CCDC120: variants seen among roughly 807,000 people sequenced by gnomAD.
CCDC120 encodes coiled-coil domain containing 120.
A neutral mutation model predicts 37.6 loss-of-function variants in CCDC120; 16 were observed. The ratio of observed to expected loss-of-function variants is 0.43; its 90% CI spans 0.29 to 0.65. The LOEUF is 0.65. Among genes scored for constraint, CCDC120 ranks in the 30% least tolerant of loss-of-function variants. The pLI, the probability that CCDC120 is intolerant of heterozygous loss-of-function variation, is 0.18. For synonymous variants in CCDC120, 309 were observed against 275.4 expected, an observed-to-expected ratio of 1.12 and a Z score of -1.21; for missense variants, 650 against 657.4, an observed-to-expected ratio of 0.99 and a Z score of 0.12.
intron 9 of CCDC120, chrX:49,066,943 C>G: frequency 2.5e-6 from 1 of 403,885 alleles, no homozygotes. Flanking sequence ...TTGGAGCTAA[C>G]AGTGCCAGGC....
rs1557080491 is a variant in CCDC120 at position 49,064,509 on chromosome X, G to C, written c.569G>C (p.Arg190Thr). ...RRRQVQADAL[R>T]RLHELEEQLR... ...CGCCAGGTCCAGGCAGATGCACTGA[G>C]GAGGCTGCATGAGCTAGAGGAGCAG... Residue 190 changes from arginine (R) to threonine (T), a missense_variant, in exon 6 of 11, where the codon AGG (arginine) becomes ACG (threonine). Coordinates refer to ENST00000603986, the MANE Select transcript of CCDC120 (RefSeq NM_001163321.4). The C allele has an allele frequency of 1.7e-6, 2 of 1,184,904 alleles. No homozygotes were observed. The highest frequency in any genetic ancestry group is 4.7e-5 in the Admixed American group (2 of 42,114).
At position 49,067,646 on chromosome X, in the gene CCDC120, C is replaced by G. The variant is rs1291474069; in HGVS notation, c.1532C>G (p.Ser511Cys). 9 of 1,198,624 alleles carry G rather than the reference C, an allele frequency of 7.5e-6. No individual in the cohort carries two copies. The highest frequency in any genetic ancestry group is 1.0e-5 in the Non-Finnish European group (9 of 887,767). ...GCAGCTGAGGTCCCAGGACCCCTCT[C>G]CCGCCGGGATGGGCTCCTCACCATG... ...PPAAEVPGPL[S>C]RRDGLLTMLP... Residue 511 changes from serine (S) to cysteine (C), a missense_variant, in exon 10 of 11, where the codon TCC (serine) becomes TGC (cysteine). By Grantham distance (112) the Ser-to-Cys change is moderately radical (BLOSUM62 -1). This residue lies in a region of CCDC120 where 576 missense variants were observed against 565.3 expected (regional missense o/e 1.02). Transcript: ENST00000603986.
chrX:49,058,547 C>T (rs1399952054), upstream of CCDC120, among the ~76,000 whole-genome samples: 1 of 112,510 alleles, frequency 8.9e-6, no homozygotes, highest in Non-Finnish European at 1.9e-5. Flanking sequence ...CAAGTTGCCC[C>T]TTGGGTGGGC....
In CCDC120 at chrX:49,064,683, G is replaced by A. The variant is rs781919463; in HGVS notation, c.724+19G>A. ...AGCCAAGGTGAGCATCCCCTGGTGAGGGTGGGAGAGTGGACACTGGCAAAT... is the reference window on the plus strand; with the variant it reads ...AGCCAAGGTGAGCATCCCCTGGTGAAGGTGGGAGAGTGGACACTGGCAAAT... On this transcript the variant is annotated intron_variant, in intron 6 of 10. Transcript: ENST00000603986. The A allele has an allele frequency of 4.8e-5, 56 of 1,154,928 alleles. No individual in the cohort carries two copies. In the Admixed American group the frequency reaches 5.5e-4, roughly 11 times the overall value.
At chrX:49,064,754 A>C in intron 6 of CCDC120, 90 bp downstream of exon 6, 4 of 1,015,496 alleles carry the variant, frequency 3.9e-6, no homozygotes, top group Non-Finnish European at 5.3e-6. Context: ...GAAAACCGGG[A>C]GGTAGGCACA....
In CCDC120 at chrX:49,064,362, C is replaced by T. The variant is rs1557080344; in HGVS notation, c.430-8C>T. 1 of 1,156,896 alleles carries T rather than the reference C, an allele frequency of 8.6e-7. No homozygotes were observed. Reference sequence around the variant, plus strand: ...TGGCCATTTCCAACATTTGGGTGGGCCCAACAGGAGCTGGCTCTTGAGGCC... The same window carrying T: ...TGGCCATTTCCAACATTTGGGTGGGTCCAACAGGAGCTGGCTCTTGAGGCC... On this transcript the variant is annotated splice_region_variant and splice_polypyrimidine_tract_variant and intron_variant, in intron 5 of 10. Coordinates refer to ENST00000603986, the MANE Select transcript of CCDC120 (RefSeq NM_001163321.4).
chrX:49,064,464 C>T lies in CCDC120; in HGVS notation c.524C>T (p.Thr175Ile). The change falls in exon 6 of 11, where the codon ACC becomes ATC. Residue 175 changes from threonine to isoleucine, a missense_variant. Transcript: ENST00000603986. ...CTGGCCTTGGCCCCTGATCTGAGCA[C>T]CGAGCAGCGCCGGCGCCGGCGCCAG... ...RRLALAPDLSTEQRRRRRQVQ... is the reference protein window; with the variant it reads ...RRLALAPDLSIEQRRRRRQVQ... 1 of 1,179,829 alleles carries T rather than the reference C, an allele frequency of 8.5e-7. No individual in the cohort carries two copies. The highest frequency in any genetic ancestry group is 1.1e-6 in the Non-Finnish European group (1 of 880,386).
chrX:49,065,507 T>G lies in CCDC120; in HGVS notation c.841T>G (p.Trp281Gly). ...LAERPSPPKA[W>G]DQLRAVSGGS... ...CGAGCGCCCCTCACCACCCAAGGCTTGGGACCAGCTGCGGGCAGTATCTGG... is the reference window on the plus strand; with the variant it reads ...CGAGCGCCCCTCACCACCCAAGGCTGGGGACCAGCTGCGGGCAGTATCTGG... The change falls in exon 8 of 11, where the codon TGG (tryptophan) becomes GGG (glycine). Residue 281 changes from tryptophan to glycine, a missense_variant. By Grantham distance (184) the Trp-to-Gly change is radical. Transcript: ENST00000603986. 3 of 1,209,417 alleles carry G rather than the reference T, an allele frequency of 2.5e-6. No homozygotes were observed. The highest frequency in any genetic ancestry group is 3.4e-6 in the Non-Finnish European group (3 of 894,495).
At chrX:49,068,228 C>G in intron 10 of CCDC120, 138 bp downstream of exon 10, 1 of 1,098,517 alleles carries the variant, frequency 9.1e-7, no homozygotes, top group South Asian at 2.3e-5. Context: ...CACAGGGTCA[C>G]TCTACTGCAC....
Position 49,067,397 on chromosome X carries a change from G to T in CCDC120, c.1283G>T (p.Ser428Ile). The change falls in exon 10 of 11, where the codon AGC becomes ATC. Residue 428 changes from serine (S) to isoleucine (I), a missense_variant. By Grantham distance (142) the Ser-to-Ile change is moderately radical (BLOSUM62 -2). This residue lies in a region of CCDC120 where 576 missense variants were observed against 565.3 expected (regional missense o/e 1.02). Coordinates refer to ENST00000603986, the MANE Select transcript of CCDC120 (RefSeq NM_001163321.4). Reference protein sequence around the residue: ...PSASGPPVCKSSEVLYERPQP... With the variant: ...PSASGPPVCKISEVLYERPQP... ...GCCTCTGGCCCCCCAGTCTGCAAGAGCAGTGAGGTGCTGTATGAGCGCCCC... is the reference window on the plus strand; with the variant it reads ...GCCTCTGGCCCCCCAGTCTGCAAGATCAGTGAGGTGCTGTATGAGCGCCCC... 8.4e-7 allele frequency: 1 copy of T among 1,194,457 alleles called. No individual in the cohort carries two copies. The highest frequency in any genetic ancestry group is 2.2e-5 in the Admixed American group (1 of 44,990).
At chrX:49,054,342 CT>C (rs1569521844), upstream of CCDC120, among the ~76,000 whole-genome samples, 2 of 111,456 alleles carry the variant, frequency 1.8e-5, no homozygotes, top group Non-Finnish European at 3.8e-5. Flanking sequence ...TCCTGTCCCC[CT>C]AACCACAATC....
chrX:49,065,119 A>G, intron 7 of CCDC120, 21 bp downstream of exon 7: 1 of 1,199,293 alleles, frequency 8.3e-7, no homozygotes, highest in African/African-American at 1.7e-5. Flanking sequence ...CTATCCCCCA[A>G]ACCTGCCCCC....
intron 5 of CCDC120, 81 bp downstream of exon 5, chrX:49,064,082 G>T: frequency 9.3e-7 from 1 of 1,080,305 alleles, no homozygotes. Context: ...GGTGTGGGGA[G>T]GGGGCTTGTG....
In CCDC120 at chrX:49,062,330, G is replaced by A. The variant is rs1312555903; in HGVS notation, c.154+5G>A. 161 of 1,206,408 alleles carry A rather than the reference G, an allele frequency of 1.3e-4. No homozygotes were observed. The highest frequency in any genetic ancestry group is 1.7e-4 in the Non-Finnish European group (156 of 892,747). ...CTCCTACCTTCAATGCCCCAGGTCG[G>A]TGGCTGCTTCCCCTCCTGCTGCCTC... On this transcript the variant is annotated splice_donor_5th_base_variant and intron_variant, in intron 3 of 10. Coordinates refer to ENST00000603986, the MANE Select transcript of CCDC120 (RefSeq NM_001163321.4).
rs1557082096 is a variant in CCDC120 at position 49,067,991 on chromosome X, A to C, written c.1877A>C (p.His626Pro). Reference sequence around the variant, plus strand: ...GGCCCGCCACACCCACCCTTCCTCCATGCCCGCTGCTATGAGGTGGGCCAG... The same window carrying C: ...GGCCCGCCACACCCACCCTTCCTCCCTGCCCGCTGCTATGAGGTGGGCCAG... ...SVGPPHPPFLHARCYEVGQAL... is the reference protein window; with the variant it reads ...SVGPPHPPFLPARCYEVGQAL... The change falls in exon 10 of 11, where the codon CAT becomes CCT. Residue 626 changes from histidine to proline, a missense_variant. Physicochemically the swap from His to Pro is moderately conservative, Grantham distance 77. This residue lies in a region of CCDC120 where 576 missense variants were observed against 565.3 expected (regional missense o/e 1.02). Transcript: ENST00000603986. 1.7e-6 allele frequency: 2 copies of C among 1,145,368 alleles called. No homozygotes were observed. The highest frequency in any genetic ancestry group is 1.8e-5 in the African/African-American group (1 of 54,978). 94.4% of individuals were successfully genotyped at this position (1,145,368 alleles called of 1,213,427 possible).
intron 4 of CCDC120, among the ~76,000 whole-genome samples, chrX:49,062,990 C>T (rs782262808): frequency 4.5e-5 from 5 of 111,676 alleles, no homozygotes; most frequent in South Asian, 3.7e-4. Context: ...GTCAGGAGAT[C>T]GAGACCATCC....
upstream of CCDC120, among the ~76,000 whole-genome samples, chrX:49,056,673 C>T (rs1557078446): frequency 9.4e-6 from 1 of 106,927 alleles, no homozygotes; most frequent in Non-Finnish European, 1.9e-5. Context: ...CATTTAGTCT[C>T]TGATTTTGGA....
rs782361397 is a variant in CCDC120, at chrX:49,063,910, G to A, written c.338G>A (p.Arg113Gln). 5.0e-6 allele frequency: 6 copies of A among 1,209,878 alleles called. No homozygotes were observed. Among genetic ancestry groups the A allele is most frequent in the East Asian group, 5.9e-5 (2 of 33,683 alleles). Residue 113 changes from arginine (R) to glutamine (Q), a missense_variant, in exon 5 of 11, where the codon CGG (arginine) becomes CAG (glutamine). Coordinates refer to ENST00000603986, the MANE Select transcript of CCDC120 (RefSeq NM_001163321.4). ...GAGTGCCCACTAGAGCCTGGTGAAC[G>A]GCCCCAGTTGGTCCGCCGGCGGCCC... Reference protein sequence around the residue: ...PPECPLEPGERPQLVRRRPPT... With the variant: ...PPECPLEPGEQPQLVRRRPPT...
At chrX:49,065,203 GC>G in intron 7 of CCDC120, 105 bp downstream of exon 7, 1 of 842,079 alleles carries the variant, frequency 1.2e-6, no homozygotes, top group Non-Finnish European at 1.7e-6. Flanking sequence ...ATCCTTTGAT[GC>G]CCAGCCCCTC....
Sources: gnomAD v4.1 joint callset for allele counts (sites outside exome capture counted in the v4.1 genomes callset) on GRCh38, gnomAD v4.1.1 for gene constraint, gnomAD v4.1.1 regional missense constraint, MANE v1.5 for transcripts, NCBI Gene and HGNC (gene_info 2026-07-23, HGNC 2026-07-21) for gene names.